SLC4A4: variants seen among roughly 807,000 people sequenced by gnomAD.
The protein encoded by SLC4A4 is electrogenic sodium bicarbonate cotransporter 1.
A neutral mutation model predicts 111.5 loss-of-function variants in SLC4A4; 27 were observed. That is an observed-to-expected ratio of 0.24 (90% CI 0.18 to 0.33). The LOEUF (loss-of-function observed/expected upper bound fraction) is 0.33. Ranked by LOEUF, SLC4A4 falls within the 10% of genes least tolerant of loss-of-function variation. The pLI, the probability that SLC4A4 is intolerant of heterozygous loss-of-function variation, is 1.00. For missense variants in SLC4A4, 909 were observed against 1,315.5 expected (o/e 0.69, Z 4.78); for synonymous variants, 443 against 463.4 (o/e 0.96, Z 0.57).
chr4:71,198,219 A>G (rs1456567713), intron 1 of SLC4A4, among the ~76,000 whole-genome samples: 1 of 152,228 alleles, frequency 6.6e-6, no homozygotes, highest in African/African-American at 2.4e-5. Context: ...GTGAAAGCAC[A>G]ATATATTGAG....
intron 1 of SLC4A4, among the ~76,000 whole-genome samples, chr4:71,228,225 GC>G (rs371719234): frequency 1.3e-5 from 2 of 152,054 alleles, no homozygotes; most frequent in African/African-American, 4.8e-5. Flanking sequence ...GCCTGCTCCA[GC>G]CTTTCAGAAG....
At chr4:71,473,073 T>C (rs1728033435) in intron 14 of SLC4A4, 103 bp downstream of exon 14, 1 of 1,299,312 alleles carries the variant, frequency 7.7e-7, no homozygotes, top group Admixed American at 1.7e-5. Context: ...CCTCAGGAAT[T>C]AGTCTTGTTT....
At chr4:71,270,750 G>T (rs1286052720) in intron 3 of SLC4A4, among the ~76,000 whole-genome samples, 3 of 152,088 alleles carry the variant, frequency 2.0e-5, no homozygotes, top group African/African-American at 4.8e-5. Context: ...ATAGATGTTG[G>T]GTTCCCACAT....
At chr4:71,248,580 C>A (rs1720846253) in intron 2 of SLC4A4, among the ~76,000 whole-genome samples, 1 of 151,904 alleles carries the variant, frequency 6.6e-6, no homozygotes, top group South Asian at 2.1e-4. Context: ...CATAGGGTAA[C>A]CTGATTTCTA....
intron 3 of SLC4A4, among the ~76,000 whole-genome samples, chr4:71,256,363 T>C (rs1272359459): frequency 6.6e-6 from 1 of 152,264 alleles, no homozygotes; most frequent in East Asian, 1.9e-4. Flanking sequence ...TGTTGAAAAG[T>C]GAATTTACAG....
At chr4:71,276,247 A>T (rs1723058342) in intron 3 of SLC4A4, among the ~76,000 whole-genome samples, 1 of 152,238 alleles carries the variant, frequency 6.6e-6, no homozygotes, top group Admixed American at 6.5e-5. Context: ...CAATGGTTAT[A>T]TCTTATATAA....
intron 2 of SLC4A4, among the ~76,000 whole-genome samples, chr4:71,112,597 C>T (rs111937346): frequency 7.9e-4 from 121 of 152,280 alleles, no homozygotes; most frequent in African/African-American, 2.8e-3. Flanking sequence ...AGAATCACAC[C>T]TTGGGCCTTT....
chr4:71,440,559 T>C (rs1445070183), intron 7 of SLC4A4, 57 bp from the exon 8 acceptor site: 3 of 1,600,902 alleles, frequency 1.9e-6, no homozygotes, highest in Non-Finnish European at 2.6e-6. Context: ...GAACTAATAG[T>C]AATTCCACAG....
intron 3 of SLC4A4, among the ~76,000 whole-genome samples, chr4:71,261,385 G>A (rs1285344649): frequency 1.3e-5 from 2 of 152,136 alleles, no homozygotes; most frequent in Admixed American, 6.6e-5. Context: ...ATCTCTTTCT[G>A]GCTCTTTCTT....
intron 14 of SLC4A4, among the ~76,000 whole-genome samples, chr4:71,480,206 A>G (rs1314184179): frequency 6.6e-6 from 1 of 151,364 alleles, no homozygotes; most frequent in Non-Finnish European, 1.5e-5. Context: ...TCATCTCAAT[A>G]TCTCCACAGT....
At chr4:71,159,972 A>AAG (rs1744576366) in intron 2 of SLC4A4, among the ~76,000 whole-genome samples, 1 of 152,178 alleles carries the variant, frequency 6.6e-6, no homozygotes, top group Non-Finnish European at 1.5e-5. Context: ...AAAGATGTGT[A>AAG]TTTCTGCAAT....
intron 2 of SLC4A4, among the ~76,000 whole-genome samples, chr4:71,112,806 G>T (rs1743130347): frequency 6.6e-6 from 1 of 152,094 alleles, no homozygotes; most frequent in South Asian, 2.1e-4. Context: ...ATAATGTCTG[G>T]GAACCACTGC....
At chr4:71,444,104 T>C (rs1183012884) in intron 8 of SLC4A4, among the ~76,000 whole-genome samples, 1 of 152,206 alleles carries the variant, frequency 6.6e-6, no homozygotes, top group Non-Finnish European at 1.5e-5. Flanking sequence ...GCTGAGTTTA[T>C]GCTAGAAATA....
chr4:71,404,027 A>G (rs954459378), intron 7 of SLC4A4, among the ~76,000 whole-genome samples: 3 of 152,216 alleles, frequency 2.0e-5, no homozygotes, highest in Non-Finnish European at 2.9e-5. Flanking sequence ...GTAAGAAAGA[A>G]AAAGAGTTTC....
chr4:71,470,763 A>G (rs1045172475), intron 13 of SLC4A4, among the ~76,000 whole-genome samples: 4 of 151,982 alleles, frequency 2.6e-5, no homozygotes, highest in Admixed American at 6.6e-5. Context: ...CAATGCTCCT[A>G]TTTGAGTCTG....
chr4:71,426,323 G>A (rs1723130008), intron 7 of SLC4A4, among the ~76,000 whole-genome samples: 1 of 152,042 alleles, frequency 6.6e-6, no homozygotes. Flanking sequence ...CCATTTAGAT[G>A]GTTGTGGGGC....
At chr4:71,540,820 C>T (rs1195542551) in intron 18 of SLC4A4, among the ~76,000 whole-genome samples, 2 of 152,106 alleles carry the variant, frequency 1.3e-5, no homozygotes, top group Non-Finnish European at 2.9e-5. Context: ...AAGATATGAG[C>T]AAATGCAAAA....
intron 1 of SLC4A4, among the ~76,000 whole-genome samples, chr4:71,069,207 C>T (rs1741606688): frequency 6.6e-6 from 1 of 152,076 alleles, no homozygotes; most frequent in Non-Finnish European, 1.5e-5. Flanking sequence ...GTCATGTGAC[C>T]AATTCTGGCT....
chr4:71,337,819 TTTAATTAA>T (rs563934128), intron 3 of SLC4A4, among the ~76,000 whole-genome samples: 7 of 151,588 alleles, frequency 4.6e-5, no homozygotes, highest in African/African-American at 7.3e-5. Flanking sequence ...ATTTTTGACA[TTTAATTAA>T]TTAATTAATT....
Sources: allele counts gnomAD v4.1 joint callset (sites outside exome capture counted in the v4.1 genomes callset), GRCh38; gene constraint gnomAD v4.1.1; transcripts MANE v1.5; gene names NCBI Gene and HGNC (gene_info 2026-07-23, HGNC 2026-07-21).